The following PTPRD variants were observed in gnomAD, a reference collection of about 807,000 sequenced individuals.
PTPRD encodes the protein receptor-type tyrosine-protein phosphatase delta.
In PTPRD, 34 loss-of-function variants were observed where a neutral mutation model predicts 214.5. The ratio of observed to expected loss-of-function variants is 0.16; its 90% CI spans 0.12 to 0.21. The LOEUF is 0.21. Ranked by LOEUF, PTPRD falls within the 10% of genes least tolerant of loss-of-function variation. The pLI is 1.00. For missense variants in PTPRD, 2,545 were observed against 2,398.7 expected (o/e 1.06, Z -1.27); for synonymous variants, 1,128 against 845.7 (o/e 1.33, Z -5.79).
rs1602573081 is a variant in PTPRD at position 9,930,465 on chromosome 9, G to C, written c.-368+8042C>G. On this transcript the variant is annotated intron_variant, in intron 5 of 45. Transcript: ENST00000381196. ...CATTTTCACATAAAAACAATTTCTT[G>C]TATGTTTGAGTTTTCAAATGTAAAC... Among the ~76,000 whole-genome samples, 3 of 152,230 alleles carry C rather than the reference G, an allele frequency of 2.0e-5. No homozygotes were observed. The South Asian group carries it at 6.2e-4, about 32-fold the overall frequency.
chr9:9,377,013 G>C lies in PTPRD; in HGVS notation c.-203+20436C>G, dbSNP rs2060970825. ...AAGTCTCTTGTCTGCAGGGAATGTG[G>C]AAATTTTTAAAAAGCATCATCAAGC... On this transcript the variant is annotated intron_variant, in intron 9 of 45. Transcript: ENST00000381196. 2.6e-5 allele frequency among the ~76,000 whole-genome samples: 4 copies of C among 151,936 alleles called. No individual in the cohort carries two copies. The South Asian group carries it at 8.3e-4, about 32-fold the overall frequency.
intron 7 of PTPRD, among the ~76,000 whole-genome samples, chr9:9,729,830 T>G (rs972106018): frequency 6.6e-6 from 1 of 152,084 alleles, no homozygotes; most frequent in African/African-American, 2.4e-5. Context: ...AGGGAACACA[T>G]GATTTATGTT....
intron 5 of PTPRD, among the ~76,000 whole-genome samples, chr9:9,914,746 C>T (rs77875208): frequency 0.011 from 1,643 of 152,276 alleles, 25 homozygotes; most frequent in African/African-American, 0.037. Context: ...GACACACTCC[C>T]GGGCCAGCTG....
At chr9:10,579,867 A>G (rs975896749) in intron 2 of PTPRD, among the ~76,000 whole-genome samples, 12 of 151,876 alleles carry the variant, frequency 7.9e-5, no homozygotes, top group Admixed American at 4.6e-4. Flanking sequence ...AACATTAAGC[A>G]TTTTTTCACG....
intron 11 of PTPRD, among the ~76,000 whole-genome samples, chr9:8,976,738 T>A (rs767777752): frequency 2.0e-5 from 3 of 152,120 alleles, no homozygotes; most frequent in Non-Finnish European, 4.4e-5. Flanking sequence ...GAGCCAAATG[T>A]GAATTTTAAA....
At chr9:9,190,105 C>T (rs1373007485) in intron 9 of PTPRD, among the ~76,000 whole-genome samples, 1 of 152,032 alleles carries the variant, frequency 6.6e-6, no homozygotes, top group East Asian at 1.9e-4. Flanking sequence ...GAAACTTAAT[C>T]CCTATTGTAA....
intron 7 of PTPRD, among the ~76,000 whole-genome samples, chr9:9,633,304 G>T: frequency 6.7e-6 from 1 of 150,082 alleles, no homozygotes; most frequent in East Asian, 1.9e-4. Flanking sequence ...TCCATCTCAG[G>T]GAAAAAAAAA....
chr9:10,474,158 G>A (rs1043787331), intron 2 of PTPRD, among the ~76,000 whole-genome samples: 2 of 151,992 alleles, frequency 1.3e-5, no homozygotes, highest in East Asian at 1.9e-4. Flanking sequence ...ATGTAAATGG[G>A]CTAAATGCCC....
intron 34 of PTPRD, among the ~76,000 whole-genome samples, chr9:8,445,529 C>A (rs1233291505): frequency 1.3e-5 from 2 of 151,992 alleles, no homozygotes; most frequent in African/African-American, 2.4e-5. Flanking sequence ...AGTGTACAAG[C>A]ACAAAAAATG....
intron 2 of PTPRD, among the ~76,000 whole-genome samples, chr9:10,434,345 C>T (rs111972654): frequency 6.6e-5 from 10 of 151,750 alleles, no homozygotes; most frequent in African/African-American, 1.4e-4. Flanking sequence ...CAAAGATTCC[C>T]GACTACAAAA....
chr9:10,440,589 A>G (rs1566049831), intron 2 of PTPRD, among the ~76,000 whole-genome samples: 1 of 151,790 alleles, frequency 6.6e-6, no homozygotes, highest in African/African-American at 2.4e-5. Flanking sequence ...GCTGGTGAGA[A>G]GGGGTTAAAA....
At chr9:8,875,142 C>G (rs189955960) in intron 11 of PTPRD, among the ~76,000 whole-genome samples, 155 of 152,284 alleles carry the variant, frequency 1.0e-3, no homozygotes, top group African/African-American at 3.7e-3. Flanking sequence ...AAAGAGTAGA[C>G]TGACAATCAC....
chr9:10,120,565 G>C (rs935228736), intron 3 of PTPRD, among the ~76,000 whole-genome samples: 1 of 151,772 alleles, frequency 6.6e-6, no homozygotes, highest in African/African-American at 2.4e-5. Context: ...TATTATAAAA[G>C]TATTTGTTTA....
chr9:8,695,528 T>C (rs572575283), intron 12 of PTPRD, among the ~76,000 whole-genome samples: 12 of 152,296 alleles, frequency 7.9e-5, no homozygotes, highest in African/African-American at 2.6e-4. Flanking sequence ...TCTGTTTATA[T>C]GCCCAGACAC....
chr9:9,644,206 C>T (rs927770143), intron 7 of PTPRD, among the ~76,000 whole-genome samples: 10 of 152,058 alleles, frequency 6.6e-5, no homozygotes, highest in African/African-American at 1.2e-4. Flanking sequence ...TAGCCTTATC[C>T]AACCCTCTTG....
chr9:10,541,037 A>C (rs1428275153), intron 2 of PTPRD, among the ~76,000 whole-genome samples: 1 of 152,188 alleles, frequency 6.6e-6, no homozygotes, highest in Admixed American at 6.5e-5. Flanking sequence ...AGAAACCATT[A>C]AACATTGATA....
At chr9:10,525,727 A>AGT (rs398010299) in intron 2 of PTPRD, among the ~76,000 whole-genome samples, 73,663 of 146,852 alleles carry the variant, frequency 0.5, 18,975 homozygotes, top group East Asian at 0.66. Context: ...AGATTTTCAA[A>AGT]GTGTGTGTGT....
At chr9:9,132,873 T>C (rs947395761) in intron 10 of PTPRD, among the ~76,000 whole-genome samples, 3 of 152,200 alleles carry the variant, frequency 2.0e-5, no homozygotes, top group East Asian at 1.9e-4. Context: ...TTAAGTGCTA[T>C]ATAAAAGAAG....
In PTPRD at chr9:10,150,710, C is replaced by CA. The variant is rs750136536; in HGVS notation, c.-544-116921dup. Among the ~76,000 whole-genome samples, 958 of 144,350 alleles carry CA rather than the reference C, an allele frequency of 6.6e-3. 10 individuals carry two copies. Among genetic ancestry groups the CA allele is most frequent in the African/African-American group, 0.02 (802 of 39,326 alleles). The allele number at this position is 144,350 out of a possible 152,430, so 94.7% of individuals were successfully genotyped here. A position where few individuals can be genotyped will look rare whatever the true frequency, so the allele number is the denominator to read the frequency against. On this transcript the variant is annotated intron_variant, in intron 3 of 45. Coordinates refer to ENST00000381196, the MANE Select transcript of PTPRD (RefSeq NM_002839.4). ...ATAATAATCTTTAAAAAAAAAGAAACAAAAAAAAAGAAATGGTGAAATAAA... is the reference window on the plus strand; with the variant it reads ...ATAATAATCTTTAAAAAAAAAGAAACAAAAAAAAAAGAAATGGTGAAATAAA...
Sources: gnomAD v4.1 joint callset for allele counts (sites outside exome capture counted in the v4.1 genomes callset) on GRCh38, gnomAD v4.1.1 for gene constraint, MANE v1.5 for transcripts, NCBI Gene and HGNC (gene_info 2026-07-23, HGNC 2026-07-21) for gene names.